The following SH3PXD2A variants were observed in gnomAD, a reference collection of about 807,000 sequenced individuals.
The protein encoded by SH3PXD2A is SH3 and PX domain-containing protein 2A.
SH3PXD2A carries 32 observed loss-of-function variants against 115.2 expected under a neutral mutation model. That is an observed-to-expected ratio of 0.28 (90% confidence interval 0.21 to 0.37). SH3PXD2A has a LOEUF of 0.37. Among genes scored for constraint, SH3PXD2A ranks in the 10% least tolerant of loss-of-function variants. The pLI is 1.00. For missense variants in SH3PXD2A, 1,328 were observed against 1,498.7 expected (o/e 0.89, Z 1.88); for synonymous variants, 610 against 629.1 (o/e 0.97, Z 0.45).
At chr10:103,731,248 C>A (rs988825015) in intron 4 of SH3PXD2A, among the ~76,000 whole-genome samples, 14 of 151,592 alleles carry the variant, frequency 9.2e-5, no homozygotes, top group Admixed American at 6.6e-5. Flanking sequence ...GCAGCCTCTG[C>A]CTCCCAGGCT....
rs561732470 is a variant in SH3PXD2A, at chr10:103,777,424, C to G, written c.154-10255G>C. 2.6e-5 allele frequency among the ~76,000 whole-genome samples: 4 copies of G among 152,358 alleles called. No homozygotes were observed. The East Asian group carries it at 7.7e-4, about 29-fold the overall frequency. On this transcript the variant is annotated intron_variant, in intron 2 of 14. Coordinates refer to ENST00000369774, the MANE Select transcript of SH3PXD2A (RefSeq NM_001394015.1). ...ATCTAGAGGCCCCAGGGGAGCTGCC[C>G]AGCTGGCGTGCGTGGGCCAGGGTTG...
intron 6 of SH3PXD2A, among the ~76,000 whole-genome samples, chr10:103,676,307 A>G (rs1048937332): frequency 2.0e-5 from 3 of 152,116 alleles, no homozygotes; most frequent in Non-Finnish European, 4.4e-5. Flanking sequence ...GGAATGCACT[A>G]TTGACCCTCT....
At chr10:103,855,054 C>A in intron 1 of SH3PXD2A, 141 bp downstream of exon 1, 1 of 497,162 alleles carries the variant, frequency 2.0e-6, no homozygotes, top group Non-Finnish European at 3.6e-6. Context: ...GATCACAGCC[C>A]TGCGAAGAAA....
At chr10:103,688,606 G>A (rs1445490034) in intron 6 of SH3PXD2A, among the ~76,000 whole-genome samples, 2 of 152,214 alleles carry the variant, frequency 1.3e-5, no homozygotes, top group Non-Finnish European at 2.9e-5. Context: ...AGAGGGAAGA[G>A]CAAGTACAAA....
rs756417576 is a variant in SH3PXD2A at position 103,735,729 on chromosome 10, C to T, written c.306+3G>A. On this transcript the variant is annotated splice_donor_region_variant and intron_variant, in intron 4 of 14. Coordinates refer to ENST00000369774, the MANE Select transcript of SH3PXD2A (RefSeq NM_001394015.1). ...CCTCCCCCAGCCCCAGATACACTCT[C>T]ACCCGGCAGTATTCATCGATGGGCT... 7.7e-6 allele frequency: 12 copies of T among 1,557,224 alleles called. No individual in the cohort carries two copies. The Admixed American group carries it at 1.7e-4, about 22-fold the overall frequency.
chr10:103,596,967 C>G lies in SH3PXD2A; in HGVS notation c.*4849G>C, dbSNP rs2036145660. On this transcript the variant is annotated 3_prime_UTR_variant, in exon 15 of 15. Transcript: ENST00000369774. ...CCCTGTCACCTTGAGGGGCAGAGCT[C>G]TGAGGCTCCAACCCAGAGGAAACTT... The G allele has an allele frequency of 6.6e-6, 1 of 152,600 alleles. No homozygotes were observed. Among genetic ancestry groups the G allele is most frequent in the Admixed American group, 6.5e-5 (1 of 15,282 alleles). The allele number at this position is 152,600 out of a possible 1,614,324, so 9.5% of individuals were successfully genotyped here. A position where few individuals can be genotyped will look rare whatever the true frequency, so the allele number is the denominator to read the frequency against.
intron 2 of SH3PXD2A, among the ~76,000 whole-genome samples, chr10:103,785,867 CA>C (rs2038975824): frequency 6.6e-6 from 1 of 151,506 alleles, no homozygotes; most frequent in Non-Finnish European, 1.5e-5. Flanking sequence ...ACGAGACTGG[CA>C]AAGACAGAAT....
chr10:103,676,039 C>CG (rs1393974200), intron 6 of SH3PXD2A, among the ~76,000 whole-genome samples: 72 of 150,858 alleles, frequency 4.8e-4, no homozygotes, highest in African/African-American at 1.5e-3. Flanking sequence ...AACTCCGTCT[C>CG]GGGGGAAAAA....
chr10:103,608,868 G>A (rs2036378402), intron 13 of SH3PXD2A: 1 of 151,568 alleles, frequency 6.6e-6, no homozygotes, highest in South Asian at 2.1e-4. Context: ...AAATTAAAAA[G>A]CAGAGAAATC....
intron 6 of SH3PXD2A, among the ~76,000 whole-genome samples, chr10:103,689,820 G>A (rs896847905): frequency 6.6e-6 from 1 of 152,166 alleles, no homozygotes; most frequent in African/African-American, 2.4e-5. Flanking sequence ...CTGTCCTTCA[G>A]TTTTCAAGGT....
intron 1 of SH3PXD2A, among the ~76,000 whole-genome samples, chr10:103,815,647 C>A (rs994308935): frequency 9.9e-5 from 15 of 151,580 alleles, no homozygotes; most frequent in African/African-American, 3.4e-4. Context: ...TCCCAGCACT[C>A]GGGGAGGCCG....
intron 1 of SH3PXD2A, among the ~76,000 whole-genome samples, chr10:103,832,440 ACT>A (rs1439560717): frequency 1.3e-5 from 2 of 152,082 alleles, no homozygotes; most frequent in Non-Finnish European, 2.9e-5. Flanking sequence ...ATTTCTATCT[ACT>A]CTCTAAATAA....
chr10:103,663,689 T>C (rs1345931827), intron 7 of SH3PXD2A, among the ~76,000 whole-genome samples: 1 of 152,230 alleles, frequency 6.6e-6, no homozygotes, highest in African/African-American at 2.4e-5. Context: ...GATCTTTGGG[T>C]CCTTCTGTAG....
intron 5 of SH3PXD2A, among the ~76,000 whole-genome samples, chr10:103,713,077 C>T (rs72815779): frequency 0.018 from 2,703 of 152,268 alleles, 39 homozygotes; most frequent in Middle Eastern, 0.041. Context: ...CTGTAATATC[C>T]GATATGGCCA....
chr10:103,700,619 TA>T (rs1255536210), intron 5 of SH3PXD2A, among the ~76,000 whole-genome samples: 3 of 152,126 alleles, frequency 2.0e-5, no homozygotes, highest in Non-Finnish European at 2.9e-5. Flanking sequence ...GAGGCAGGGT[TA>T]GGGGAAGTGG....
intron 11 of SH3PXD2A, among the ~76,000 whole-genome samples, chr10:103,616,624 C>T (rs1175986065): frequency 6.6e-6 from 1 of 152,256 alleles, no homozygotes. Flanking sequence ...CCTCCGATGG[C>T]CTGAGCCGAG....
At chr10:103,713,434 T>C (rs571551606) in intron 5 of SH3PXD2A, among the ~76,000 whole-genome samples, 1 of 152,314 alleles carries the variant, frequency 6.6e-6, no homozygotes, top group Non-Finnish European at 1.5e-5. Context: ...GTGTAGCGAT[T>C]GTTAATGACT....
chr10:103,791,549 C>A (rs2039036245), intron 2 of SH3PXD2A, among the ~76,000 whole-genome samples: 1 of 152,156 alleles, frequency 6.6e-6, no homozygotes, highest in South Asian at 2.1e-4. Context: ...TGAGGGCAGG[C>A]CCCGAGGCGG....
chr10:103,766,960 G>A (rs976440979), intron 3 of SH3PXD2A, 134 bp downstream of exon 3: 47 of 651,590 alleles, frequency 7.2e-5, no homozygotes, highest in African/African-American at 6.7e-4. Context: ...AAATCCCCTG[G>A]GGGAATTGTT....
Sources: gnomAD v4.1 joint callset for allele counts (sites outside exome capture counted in the v4.1 genomes callset) on GRCh38, gnomAD v4.1.1 for gene constraint, MANE v1.5 for transcripts, NCBI Gene and HGNC (gene_info 2026-07-23, HGNC 2026-07-21) for gene names.